CLEC17A: variants seen among roughly 807,000 people sequenced by gnomAD.
The protein encoded by CLEC17A is C-type lectin domain family 17, member A.
A neutral mutation model predicts 61.3 loss-of-function variants in CLEC17A; 37 were observed. The observed-to-expected ratio is 0.60, with a 90% CI of 0.46 to 0.79. The LOEUF (loss-of-function observed/expected upper bound fraction) is 0.79. Ranked by LOEUF, CLEC17A falls within the 30% of genes least tolerant of loss-of-function variation. CLEC17A has a pLI of 0.00. For missense variants in CLEC17A, 418 were observed against 464.7 expected, an observed-to-expected ratio of 0.90 and a Z score of 0.92; for synonymous variants, 168 against 164.9, an observed-to-expected ratio of 1.02 and a Z score of -0.14.
chr19:14,581,358 C>G (rs1287353603), upstream of CLEC17A, among the ~76,000 whole-genome samples: 2 of 152,302 alleles, frequency 1.3e-5, no homozygotes, highest in East Asian at 3.9e-4. Context: ...GAGTCCTGCT[C>G]TTTTGCCCAG....
At chr19:14,608,848 G>A (rs2074973901) in intron 13 of CLEC17A, among the ~76,000 whole-genome samples, 1 of 147,336 alleles carries the variant, frequency 6.8e-6, no homozygotes, top group Non-Finnish European at 1.5e-5. Context: ...GGCCCGAGCT[G>A]TAGTGCAGTG....
chr19:14,581,367 A>G (rs1568441158), upstream of CLEC17A, among the ~76,000 whole-genome samples: 1 of 152,204 alleles, frequency 6.6e-6, no homozygotes, highest in Admixed American at 6.6e-5. Context: ...TCTTTTGCCC[A>G]GGCTGGAATG....
chr19:14,606,374 CAAAA>C (rs35346403), intron 12 of CLEC17A, among the ~76,000 whole-genome samples: 9 of 94,722 alleles, frequency 9.5e-5, no homozygotes, highest in Non-Finnish European at 1.8e-4. Context: ...GACCCTGTCT[CAAAA>C]AAAAAAAAAA....
At chr19:14,593,299 C>G (rs2074463847) in intron 4 of CLEC17A, among the ~76,000 whole-genome samples, 1 of 134,656 alleles carries the variant, frequency 7.4e-6, no homozygotes, top group African/African-American at 3.0e-5. Context: ...TCGAGACCAG[C>G]TTGGGCAATA....
Position 14,612,031 on chromosome 19 carries a change from C to T in CLEC17A, c.*1835C>T, listed in dbSNP as rs1029632051. On this transcript the variant is annotated 3_prime_UTR_variant, in exon 14 of 14. Coordinates refer to ENST00000417570, the MANE Select transcript of CLEC17A (RefSeq NM_001204118.2). Reference sequence around the variant, plus strand: ...ATAAATAAATAAAAATAAAAATTCACTTTACTTCTGTGTGGACTTTCCTGG... The same window carrying T: ...ATAAATAAATAAAAATAAAAATTCATTTTACTTCTGTGTGGACTTTCCTGG... Among the ~76,000 whole-genome samples the T allele has an allele frequency of 1.3e-5, 2 of 151,900 alleles. No individual in the cohort carries two copies. The highest frequency in any genetic ancestry group is 4.8e-5 in the African/African-American group (2 of 41,380).
intron 2 of CLEC17A, 82 bp downstream of exon 2, chr19:14,583,516 CAT>C: frequency 1.3e-6 from 2 of 1,585,156 alleles, no homozygotes; most frequent in Non-Finnish European, 1.7e-6. Context: ...ATTGTAGACA[CAT>C]AGTCAGTCTC....
intron 2 of CLEC17A, among the ~76,000 whole-genome samples, chr19:14,587,044 A>G (rs1477318232): frequency 1.3e-5 from 2 of 150,590 alleles, no homozygotes; most frequent in African/African-American, 4.9e-5. Context: ...AGGCACCACC[A>G]CGCCCGGCTA....
At position 14,610,400 on chromosome 19, in the gene CLEC17A, G is replaced by C; in HGVS notation, c.*204G>C. 1.6e-6 allele frequency: 1 copy of C among 634,930 alleles called. No individual in the cohort carries two copies. The highest frequency in any genetic ancestry group is 2.7e-6 in the Non-Finnish European group (1 of 375,146). The allele number at this position is 634,930 out of a possible 1,614,324, so 39.3% of individuals were successfully genotyped here. On this transcript the variant is annotated 3_prime_UTR_variant, in exon 14 of 14. Transcript: ENST00000417570. ...GGACTTGGGCTTGCCCTAGTAGATG[G>C]TGAGCTGGGAGGATGCTCAGAGCTT... is the stretch of plus-strand genomic sequence containing the variant.
chr19:14,608,975 G>T (rs1327165566), intron 13 of CLEC17A, among the ~76,000 whole-genome samples: 1 of 151,742 alleles, frequency 6.6e-6, no homozygotes, highest in African/African-American at 2.4e-5. Context: ...AATTTTTGTA[G>T]TTTTAGTAGA....
At chr19:14,602,829 G>A (rs1487736420) in intron 12 of CLEC17A, among the ~76,000 whole-genome samples, 4 of 151,456 alleles carry the variant, frequency 2.6e-5, no homozygotes, top group East Asian at 1.9e-4. Context: ...TCTGCCTCCC[G>A]AGTTCAAGTG....
At chr19:14,598,723 C>T (rs796963834) in intron 10 of CLEC17A, among the ~76,000 whole-genome samples, 3 of 152,098 alleles carry the variant, frequency 2.0e-5, no homozygotes, top group Non-Finnish European at 4.4e-5. Context: ...GACCCATCTG[C>T]GTCAGCCTCC....
rs1268234270 is a variant in CLEC17A at position 14,600,152 on chromosome 19, C to T, written c.864C>T (p.His288=). Residue 288 remains histidine (H), a synonymous_variant, in exon 12 of 14, where the codon CAC becomes CAT. Coordinates refer to ENST00000417570, the MANE Select transcript of CLEC17A (RefSeq NM_001204118.2). ...TGTTCTGCCAGGAGAATTACTCTCACTTGGTCATCATCAATAGCTTTGCTG... is the reference window on the plus strand; with the variant it reads ...TGTTCTGCCAGGAGAATTACTCTCATTTGGTCATCATCAATAGCTTTGCTG... ...ARMFCQENYS[H]LVIINSFAEH... is the part of the protein sequence containing the mutation. The T allele has an allele frequency of 6.2e-7, 1 of 1,614,064 alleles. No individual in the cohort carries two copies. Among genetic ancestry groups the T allele is most frequent in the African/African-American group, 1.3e-5 (1 of 75,062 alleles).
At chr19:14,584,798 C>A (rs1379489210) in intron 2 of CLEC17A, among the ~76,000 whole-genome samples, 2 of 151,918 alleles carry the variant, frequency 1.3e-5, no homozygotes, top group Non-Finnish European at 1.5e-5. Flanking sequence ...GTCCCCACAT[C>A]CACATGCAGC....
intron 4 of CLEC17A, 105 bp from the exon 5 acceptor site, chr19:14,594,412 C>T: frequency 7.0e-7 from 1 of 1,431,142 alleles, no homozygotes. Context: ...CCGTCTGTAA[C>T]CTAATCTCCA....
chr19:14,597,249 C>A (rs2074573567), intron 10 of CLEC17A, 88 bp downstream of exon 10: 1 of 1,223,478 alleles, frequency 8.2e-7, no homozygotes. Flanking sequence ...ACCTCATCCC[C>A]ATCTTTGCTG....
intron 3 of CLEC17A, among the ~76,000 whole-genome samples, chr19:14,591,046 A>G (rs927019273): frequency 1.3e-5 from 2 of 151,906 alleles, no homozygotes; most frequent in African/African-American, 4.8e-5. Flanking sequence ...TCTAGATTGC[A>G]GGAAGAAGTT....
intron 12 of CLEC17A, among the ~76,000 whole-genome samples, chr19:14,603,324 A>G (rs2074770011): frequency 6.6e-6 from 1 of 152,132 alleles, no homozygotes; most frequent in African/African-American, 2.4e-5. Flanking sequence ...TGGGACATCT[A>G]CAGACTGAAT....
chr19:14,595,357 T>A, intron 8 of CLEC17A, 42 bp downstream of exon 8: 1 of 1,607,678 alleles, frequency 6.2e-7, no homozygotes, highest in Non-Finnish European at 8.5e-7. Flanking sequence ...GGCTAGTGTA[T>A]CTGATTGAGA....
chr19:14,591,254 A>G lies in CLEC17A; in HGVS notation c.200-1027A>G, dbSNP rs1293442454. 3.0e-5 allele frequency among the ~76,000 whole-genome samples: 4 copies of G among 134,708 alleles called. No homozygotes were observed. In the South Asian group the frequency reaches 9.4e-4, roughly 32 times the overall value. 88.4% of individuals were successfully genotyped at this position (134,708 alleles called of 152,430 possible). The stretch of plus-strand genomic sequence containing the variant: ...ACTGCAAGCTCCGCCTCCCAGGTTC[A>G]CGCCATTCTCCTGCCTCAGCCTCCT... On this transcript the variant is annotated intron_variant, in intron 3 of 13. Coordinates refer to ENST00000417570, the MANE Select transcript of CLEC17A (RefSeq NM_001204118.2).
Sources: allele counts gnomAD v4.1 joint callset (sites outside exome capture counted in the v4.1 genomes callset), GRCh38; gene constraint gnomAD v4.1.1; transcripts MANE v1.5; gene names NCBI Gene and HGNC (gene_info 2026-07-23, HGNC 2026-07-21).